LRRK1: variants seen among roughly 807,000 people sequenced by gnomAD.
The protein encoded by LRRK1 is leucine-rich repeat serine/threonine-protein kinase 1.
LRRK1 carries 113 observed loss-of-function variants against 209.1 expected under a neutral mutation model. The ratio of observed to expected loss-of-function variants is 0.54; its 90% CI spans 0.46 to 0.63. LRRK1 has a LOEUF of 0.63. Among genes scored for constraint, LRRK1 ranks in the 30% least tolerant of loss-of-function variants. The pLI is 0.00. For synonymous variants in LRRK1, 1,144 were observed against 1,099.7 expected (o/e 1.04, Z -0.80); for missense variants, 2,284 against 2,632.2 (o/e 0.87, Z 2.89).
In LRRK1 at chr15:100,982,201, G is replaced by A. The variant is rs777171220; in HGVS notation, c.262-1327G>A. On this transcript the variant is annotated intron_variant, in intron 3 of 33. Transcript: ENST00000388948. ...CACACACAGTAGATCCTCAGTAGGT[G>A]TTGATGGGGGACACTGGCCATCCCA... Among the ~76,000 whole-genome samples the A allele has an allele frequency of 1.2e-3, 179 of 152,340 alleles. 2 individuals are homozygous for A. Among genetic ancestry groups the A allele is most frequent in the Non-Finnish European group, 2.8e-4 (19 of 68,040 alleles).
rs563298376 is a variant in LRRK1 at position 101,075,151 on chromosome 15, G to T, written c.*6303G>T. 1.8e-5 allele frequency: 1 copy of T among 56,200 alleles called. No individual in the cohort carries two copies. The highest frequency in any genetic ancestry group is 3.2e-4 in the East Asian group (1 of 3,136). 3.5% of individuals were successfully genotyped at this position (56,200 alleles called of 1,614,324 possible). ...CCACTCCACATTACCTTCTTTTCAA[G>T]GGCCTGTTTCCCTTACCTCCATAAC... is the stretch of plus-strand genomic sequence containing the variant. On this transcript the variant is annotated 3_prime_UTR_variant, in exon 34 of 34. Transcript: ENST00000388948.
chr15:101,049,548 C>A, intron 22 of LRRK1, 96 bp from the exon 23 acceptor site: 1 of 1,437,650 alleles, frequency 7.0e-7, no homozygotes, highest in Non-Finnish European at 9.5e-7. Flanking sequence ...TCTCCAGGTC[C>A]CCGGGGGTTG....
At chr15:100,926,833 C>T (rs891329700) in intron 2 of LRRK1, among the ~76,000 whole-genome samples, 34 of 151,764 alleles carry the variant, frequency 2.2e-4, no homozygotes, top group Non-Finnish European at 4.1e-4. Context: ...TACAGGCGTG[C>T]GCCACCACGC....
chr15:101,007,026 C>A (rs977445932), intron 6 of LRRK1, among the ~76,000 whole-genome samples: 1 of 152,234 alleles, frequency 6.6e-6, no homozygotes, highest in Non-Finnish European at 1.5e-5. Context: ...ACAGACAGAG[C>A]GACAGAGTCC....
At chr15:101,026,884 T>C (rs1232843843) in intron 17 of LRRK1, among the ~76,000 whole-genome samples, 1 of 152,194 alleles carries the variant, frequency 6.6e-6, no homozygotes, top group African/African-American at 2.4e-5. Flanking sequence ...CAGGAATTCC[T>C]GCTTTGCCCT....
chr15:101,055,138 C>A lies in LRRK1; in HGVS notation c.4247C>A (p.Ser1416Ter). Residue 1416 changes from serine (S) to a stop codon, truncating the protein, a stop_gained, in exon 27 of 34, where the codon TCA becomes TAA. Coordinates refer to ENST00000388948, the MANE Select transcript of LRRK1 (RefSeq NM_024652.6). LOFTEE classifies it high-confidence loss of function. ...KLSDYGISRQ[S>*]FHEGALGVEG... ...TCTGACTACGGGATTTCGAGGCAGT[C>A]ATTCCATGAGGGCGCCCTAGGCGTG... 6.2e-7 allele frequency: 1 copy of A among 1,613,710 alleles called. No individual in the cohort carries two copies. Among genetic ancestry groups the A allele is most frequent in the South Asian group, 1.1e-5 (1 of 90,976 alleles).
chr15:100,981,051 A>T (rs1163065490), intron 3 of LRRK1, among the ~76,000 whole-genome samples: 2 of 152,248 alleles, frequency 1.3e-5, no homozygotes, highest in Non-Finnish European at 2.9e-5. Context: ...TATGTTCTGG[A>T]AGGCATCCTT....
At position 101,048,502 on chromosome 15, in the gene LRRK1, A is replaced by G; in HGVS notation, c.3144A>G (p.Glu1048=). ...SLAEMDLQLF[E]NKKNTKSRNR... ...TTTTCTCTGTCTTTCAGCTTTTTGA[A>G]AACAAGAAGAATACTAAAAGCAGGA... Residue 1048 remains glutamate, a synonymous_variant, in exon 22 of 34, where the codon GAA becomes GAG. Coordinates refer to ENST00000388948, the MANE Select transcript of LRRK1 (RefSeq NM_024652.6). 6.3e-7 allele frequency: 1 copy of G among 1,599,698 alleles called. No individual in the cohort carries two copies. The highest frequency in any genetic ancestry group is 8.5e-7 in the Non-Finnish European group (1 of 1,175,718).
At chr15:100,961,918 A>T (rs2141636043) in intron 2 of LRRK1, among the ~76,000 whole-genome samples, 1 of 152,358 alleles carries the variant, frequency 6.6e-6, no homozygotes, top group Non-Finnish European at 1.5e-5. Context: ...ACCAATGACC[A>T]ATACATGAAA....
chr15:101,070,114 C>T lies in LRRK1; in HGVS notation c.*1266C>T, dbSNP rs1231566974. On this transcript the variant is annotated 3_prime_UTR_variant, in exon 34 of 34. Transcript: ENST00000388948. ...TAAACAGATTCTTTCAAGAACGAAG[C>T]TGTGGCCTCTGTCTTTTGAGCGCTT... 6.6e-6 allele frequency: 1 copy of T among 152,148 alleles called. No individual in the cohort carries two copies. Among genetic ancestry groups the T allele is most frequent in the African/African-American group, 2.4e-5 (1 of 41,418 alleles). The allele number at this position is 152,148 out of a possible 1,614,324, so 9.4% of individuals were successfully genotyped here. A position where few individuals can be genotyped will look rare whatever the true frequency, so the allele number is the denominator to read the frequency against.
intron 33 of LRRK1, 119 bp downstream of exon 33, chr15:101,066,860 C>A: frequency 1.1e-6 from 1 of 915,630 alleles, no homozygotes; most frequent in East Asian, 2.4e-5. Context: ...AGCATAGCCA[C>A]TAACGTGGCT....
At chr15:101,002,621 C>T (rs2032750202) in intron 6 of LRRK1, among the ~76,000 whole-genome samples, 1 of 152,194 alleles carries the variant, frequency 6.6e-6, no homozygotes, top group African/African-American at 2.4e-5. Flanking sequence ...CTCTCGGAAT[C>T]TTGTTTATTG....
rs1884063698 is a variant in LRRK1, at chr15:100,988,797, T to C, written c.597T>C (p.Tyr199=). 6.2e-7 allele frequency: 1 copy of C among 1,604,136 alleles called. No individual in the cohort carries two copies. Among genetic ancestry groups the C allele is most frequent in the Non-Finnish European group, 8.5e-7 (1 of 1,172,690 alleles). ...EFPVIVRLPL[Y]AAIKSGNEDI... is the part of the protein sequence containing the mutation. ...CTGTCATCGTGCGCTTGCCCCTGTATGCGGCCATCAAGTCAGGTGGGTTTC... is the reference window on the plus strand; with the variant it reads ...CTGTCATCGTGCGCTTGCCCCTGTACGCGGCCATCAAGTCAGGTGGGTTTC... The change falls in exon 5 of 34, where the codon TAT becomes TAC. Residue 199 remains tyrosine (Y), a synonymous_variant. Coordinates refer to ENST00000388948, the MANE Select transcript of LRRK1 (RefSeq NM_024652.6).
At chr15:100,999,704 C>T (rs1026716019) in intron 6 of LRRK1, among the ~76,000 whole-genome samples, 4 of 152,264 alleles carry the variant, frequency 2.6e-5, no homozygotes, top group Middle Eastern at 3.4e-3. Context: ...ACTTGGGGAG[C>T]TGATTCTCTA....
chr15:101,021,767 CGT>C (rs1183577019), intron 13 of LRRK1, 76 bp from the exon 14 acceptor site: 60 of 901,500 alleles, frequency 6.7e-5, no homozygotes, highest in African/African-American at 5.5e-4. Context: ...ACAGGAGCCA[CGT>C]GTGTGCGTGT....
rs1345297502 is a variant in LRRK1, at chr15:101,075,423, C to T, written c.*6575C>T. On this transcript the variant is annotated 3_prime_UTR_variant, in exon 34 of 34. Transcript: ENST00000388948. ...GTGTCCTCCTCTTGTATCCCCCGAC[C>T]TTAACCCATAAGTATAAGATACCTC... The T allele has an allele frequency of 8.3e-6, 1 of 120,836 alleles. No individual in the cohort carries two copies. The highest frequency in any genetic ancestry group is 1.7e-5 in the Non-Finnish European group (1 of 58,856). 7.5% of individuals were successfully genotyped at this position (120,836 alleles called of 1,614,324 possible). A position where few individuals can be genotyped will look rare whatever the true frequency, so the allele number is the denominator to read the frequency against.
At chr15:100,922,924 G>A (rs888303865) in intron 1 of LRRK1, among the ~76,000 whole-genome samples, 4 of 152,154 alleles carry the variant, frequency 2.6e-5, no homozygotes, top group Non-Finnish European at 4.4e-5. Context: ...CAGTCCACCT[G>A]GGCCAGGTGC....
intron 19 of LRRK1, among the ~76,000 whole-genome samples, chr15:101,028,556 G>A (rs1303816615): frequency 2.0e-5 from 3 of 152,250 alleles, no homozygotes; most frequent in Admixed American, 2.0e-4. Context: ...AGCTGAGAGA[G>A]TTGTCCTGTT....
At chr15:101,048,434 C>T in intron 21 of LRRK1, 60 bp from the exon 22 acceptor site, 1 of 1,504,784 alleles carries the variant, frequency 6.6e-7, no homozygotes, top group Non-Finnish European at 9.0e-7. Flanking sequence ...CTGCAGAGCT[C>T]TGCCCAGGGC....
Sources: allele counts gnomAD v4.1 joint callset (sites outside exome capture counted in the v4.1 genomes callset), GRCh38; gene constraint gnomAD v4.1.1; transcripts MANE v1.5; gene names NCBI Gene and HGNC (gene_info 2026-07-23, HGNC 2026-07-21).